The following BRWD1 variants were observed in gnomAD, a reference collection of about 807,000 sequenced individuals.
BRWD1 encodes bromodomain and WD repeat-containing protein 1.
A neutral mutation model predicts 251.2 loss-of-function variants in BRWD1; 82 were observed. The observed-to-expected ratio is 0.33, with a 90% CI of 0.27 to 0.39. The LOEUF is 0.39. Ranked by LOEUF, BRWD1 falls within the 10% of genes least tolerant of loss-of-function variation. The probability of loss-of-function intolerance (pLI) is 1.00; values close to 1 mark genes in which losing one functional copy is unlikely to be tolerated. For missense variants in BRWD1, 2,233 were observed against 2,711.6 expected (o/e 0.82, Z 3.92); for synonymous variants, 918 against 902.8 (o/e 1.02, Z -0.30).
upstream of BRWD1, among the ~76,000 whole-genome samples, chr21:39,316,868 G>T (rs572497252): frequency 6.6e-6 from 1 of 151,994 alleles, no homozygotes; most frequent in Non-Finnish European, 1.5e-5. Flanking sequence ...AGCCGGGGGG[G>T]ATTGACGCTG....
chr21:39,313,175 C>G (rs2036571134), intron 2 of BRWD1, 66 bp downstream of exon 2: 2 of 1,498,954 alleles, frequency 1.3e-6, no homozygotes, highest in Non-Finnish European at 1.8e-6. Flanking sequence ...GCCCACCACC[C>G]GCGACCCCCG....
In BRWD1 at chr21:39,282,491, G is replaced by C. The variant is rs1011916922; in HGVS notation, c.832-2243C>G. ...ATAATTAAAGTTATATTAGTAGTTG[G>C]ATATTTTTGTTAATTAAAATTGAAG... On this transcript the variant is annotated intron_variant, in intron 8 of 40. Transcript: ENST00000342449. Among the ~76,000 whole-genome samples the C allele has an allele frequency of 3.4e-4, 51 of 152,138 alleles. 1 individual carries two copies. Among genetic ancestry groups the C allele is most frequent in the African/African-American group, 1.2e-3 (49 of 41,516 alleles).
intron 8 of BRWD1, among the ~76,000 whole-genome samples, chr21:39,287,776 C>T (rs1461789499): frequency 6.6e-6 from 1 of 151,876 alleles, no homozygotes; most frequent in African/African-American, 2.4e-5. Flanking sequence ...TTTCTTTCTT[C>T]TTGTTTGTTC....
At position 39,270,284 on chromosome 21, in the gene BRWD1, A is replaced by G. The variant is rs143860314; in HGVS notation, c.1394T>C (p.Met465Thr). The change falls in exon 14 of 41, where the codon ATG becomes ACG. Residue 465 changes from methionine (M) to threonine (T), a missense_variant and splice_region_variant. This residue lies in a region of BRWD1 where 315 missense variants were observed against 421.8 expected (regional missense o/e 0.75). Coordinates refer to ENST00000342449, the MANE Select transcript of BRWD1 (RefSeq NM_033656.4). ...TACACTGTACCAGAAATTACCTACC[A>G]TTAAGTTATGAAGCAGTTGTCCAGT... ...SYTGQLLHNLMGHADEVFVLE... is the reference protein window; with the variant it reads ...SYTGQLLHNLTGHADEVFVLE... 278 of 1,571,024 alleles carry G rather than the reference A, an allele frequency of 1.8e-4. No homozygotes were observed. Among genetic ancestry groups the G allele is most frequent in the Non-Finnish European group, 2.2e-4 (261 of 1,161,472 alleles).
intron 27 of BRWD1, among the ~76,000 whole-genome samples, chr21:39,226,642 T>C (rs906353087): frequency 2.0e-5 from 3 of 152,250 alleles, no homozygotes; most frequent in African/African-American, 4.8e-5. Context: ...GTTATTTTTG[T>C]GGCTGTATGT....
intron 8 of BRWD1, 28 bp from the exon 9 acceptor site, chr21:39,280,276 T>C: frequency 6.6e-7 from 1 of 1,511,632 alleles, no homozygotes; most frequent in Non-Finnish European, 9.1e-7. Flanking sequence ...TACAATTCAG[T>C]TTCCAGAACT....
At chr21:39,206,827 CAATTA>C (rs2032414338) in intron 36 of BRWD1, among the ~76,000 whole-genome samples, 3 of 152,162 alleles carry the variant, frequency 2.0e-5, no homozygotes, top group Admixed American at 6.5e-5. Context: ...ACAATGTTTA[CAATTA>C]AATAACATCA....
At position 39,232,354 on chromosome 21, in the gene BRWD1, A is replaced by C; in HGVS notation, c.2892+19T>G. The C allele has an allele frequency of 6.3e-7, 1 of 1,599,394 alleles. No homozygotes were observed. The highest frequency in any genetic ancestry group is 1.4e-5 in the African/African-American group (1 of 73,802). On this transcript the variant is annotated intron_variant, in intron 24 of 40. Coordinates refer to ENST00000342449, the MANE Select transcript of BRWD1 (RefSeq NM_033656.4). ...CTTTATGTTCCATATTCGTGTTTTTAAATTTGTATTACTCTCACCTCATCA... is the reference window on the plus strand; with the variant it reads ...CTTTATGTTCCATATTCGTGTTTTTCAATTTGTATTACTCTCACCTCATCA...
intron 34 of BRWD1, among the ~76,000 whole-genome samples, chr21:39,211,929 T>C (rs1334703440): frequency 6.6e-6 from 1 of 152,154 alleles, no homozygotes; most frequent in African/African-American, 2.4e-5. Context: ...TTAATTTTAA[T>C]TACTCTATAT....
chr21:39,224,365 T>G, intron 29 of BRWD1, 43 bp downstream of exon 29: 1 of 1,211,264 alleles, frequency 8.3e-7, no homozygotes, highest in Non-Finnish European at 1.2e-6. Context: ...AATGTACATA[T>G]TATAAAAATA....
rs769737892 is a variant in BRWD1, at chr21:39,197,351, G to A, written c.5718C>T (p.Asp1906=). Residue 1906 remains aspartate, a synonymous_variant, in exon 41 of 41, where the codon GAC becomes GAT. Coordinates refer to ENST00000342449, the MANE Select transcript of BRWD1 (RefSeq NM_033656.4). The part of the protein sequence containing the change: ...KISRKRVCSS[D]SDSSLQVVKK... ...TAACCACCTGTAAACTACTGTCTGA[G>A]TCACTGGAACAGACCCTTTTCCTGG... is the stretch of plus-strand genomic sequence containing the variant. 4.3e-6 allele frequency: 7 copies of A among 1,613,698 alleles called. No individual in the cohort carries two copies. The highest frequency in any genetic ancestry group is 3.3e-4 in the Middle Eastern group (2 of 6,082).
At position 39,210,046 on chromosome 21, in the gene BRWD1, G is replaced by C; in HGVS notation, c.4146C>G (p.Ile1382Met). ...CTTTTGCATTGCTAAATATCAGCCG[G>C]ATGTCTTTGCAAAACTCCAAAGGGC... ...YDSPLEFCKD[I>M]RLIFSNAKAY... The change falls in exon 36 of 41, where the codon ATC (isoleucine) becomes ATG (methionine). Residue 1382 changes from isoleucine (I) to methionine (M), a missense_variant. Ile to Met is a conservative substitution (Grantham distance 10). This residue lies in a region of BRWD1 where 69 missense variants were observed against 101.6 expected (regional missense o/e 0.68). Coordinates refer to ENST00000342449, the MANE Select transcript of BRWD1 (RefSeq NM_033656.4). The C allele has an allele frequency of 6.2e-7, 1 of 1,613,580 alleles. No homozygotes were observed. Among genetic ancestry groups the C allele is most frequent in the East Asian group, 2.2e-5 (1 of 44,796 alleles).
At position 39,192,643 on chromosome 21, in the gene BRWD1, T is replaced by C. The variant is rs1671; in HGVS notation, c.*3616A>G. 1 of 984,686 alleles carries C rather than the reference T, an allele frequency of 1.0e-6. No homozygotes were observed. The highest frequency in any genetic ancestry group is 6.2e-5 in the Admixed American group (1 of 16,240). 61.0% of individuals were successfully genotyped at this position (984,686 alleles called of 1,614,324 possible). A position where few individuals can be genotyped will look rare whatever the true frequency, so the allele number is the denominator to read the frequency against. On this transcript the variant is annotated 3_prime_UTR_variant, in exon 41 of 41. Transcript: ENST00000342449. ...GATAAATAAATATATCAACTTACTA[T>C]TCATGAAAAGAATGGAGCTGGTTAT...
chr21:39,238,355 TTTTAAGTGTA>T, intron 22 of BRWD1, 114 bp downstream of exon 22: 1 of 666,564 alleles, frequency 1.5e-6, no homozygotes, highest in East Asian at 2.8e-5. Context: ...TTTTGTCTCC[TTTTAAGTGTA>T]TTAAAAACTG....
Position 39,218,602 on chromosome 21 carries a change from T to C in BRWD1, c.3441A>G (p.Lys1147=), listed in dbSNP as rs1302432896. 1 of 1,612,098 alleles carries C rather than the reference T, an allele frequency of 6.2e-7. No homozygotes were observed. Among genetic ancestry groups the C allele is most frequent in the Admixed American group, 1.7e-5 (1 of 59,856 alleles). Reference sequence around the variant, plus strand: ...CACCAGCTTGTGGTTTATAGAGCAATTTCTCTAGCTCATCTGTTGTGACAG... The same window carrying C: ...CACCAGCTTGTGGTTTATAGAGCAACTTCTCTAGCTCATCTGTTGTGACAG... ...SISVTTDELE[K]LLYKPQAGEW... The change falls in exon 30 of 41, where the codon AAA becomes AAG. Residue 1147 remains lysine (K), a synonymous_variant. Transcript: ENST00000342449.
At chr21:39,223,216 A>G (rs190974602) in intron 29 of BRWD1, among the ~76,000 whole-genome samples, 14 of 152,332 alleles carry the variant, frequency 9.2e-5, no homozygotes, top group Non-Finnish European at 1.9e-4. Context: ...TGCTAGCTGT[A>G]TAAGAAGGGA....
At chr21:39,317,675 A>G (rs73359597), upstream of BRWD1, among the ~76,000 whole-genome samples, 1 of 152,360 alleles carries the variant, frequency 6.6e-6, no homozygotes, top group African/African-American at 2.4e-5. Context: ...GAGAGCTGAC[A>G]TTTGGAAGCC....
intron 6 of BRWD1, 53 bp from the exon 7 acceptor site, chr21:39,295,956 C>A (rs2035951289): frequency 7.1e-7 from 1 of 1,413,690 alleles, no homozygotes; most frequent in Middle Eastern, 1.9e-4. Flanking sequence ...AAGGAAAAAT[C>A]TAAGAAAAAC....
At chr21:39,185,305 A>AAT (rs1331720114), downstream of BRWD1, 3 of 148,690 alleles carry the variant, frequency 2.0e-5, no homozygotes, top group African/African-American at 7.5e-5. Flanking sequence ...TAAAAAAAAA[A>AAT]AAAAAAAAAA....
Sources: gnomAD v4.1 joint callset for allele counts (sites outside exome capture counted in the v4.1 genomes callset) on GRCh38, gnomAD v4.1.1 for gene constraint, gnomAD v4.1.1 regional missense constraint, MANE v1.5 for transcripts, NCBI Gene and HGNC (gene_info 2026-07-23, HGNC 2026-07-21) for gene names.